The following SNTG1 variants were observed in gnomAD, a reference collection of about 807,000 sequenced individuals.
SNTG1 encodes gamma-1-syntrophin.
SNTG1 carries 39 observed loss-of-function variants against 74.7 expected under a neutral mutation model. That is an observed-to-expected ratio of 0.52 (90% CI 0.40 to 0.68). The LOEUF is 0.68. SNTG1 is among the 30% of genes least tolerant of loss of function. The probability of loss-of-function intolerance (pLI) is 0.00; values close to 1 mark genes in which losing one functional copy is unlikely to be tolerated. For missense variants in SNTG1, 685 were observed against 609.5 expected (o/e 1.12, Z -1.30); for synonymous variants, 254 against 217.1 (o/e 1.17, Z -1.49).
intron 2 of SNTG1, among the ~76,000 whole-genome samples, chr8:50,336,080 T>C (rs779958410): frequency 1.5e-4 from 23 of 152,166 alleles, no homozygotes; most frequent in Admixed American, 3.3e-4. Context: ...TTAAGTATTA[T>C]GTGTTGGGTA....
rs542185564 is a variant in SNTG1, at chr8:50,129,342, C to T, written c.-102-43219C>T. ...GGCTTCATAGCATCCAGAAGGAAAC[C>T]TTAGTGTCTACTGTCCAGGTGGAAT... is the stretch of plus-strand genomic sequence containing the variant. On this transcript the variant is annotated intron_variant, in intron 1 of 18. Transcript: ENST00000642720. Among the ~76,000 whole-genome samples, 526 of 152,184 alleles carry T rather than the reference C, an allele frequency of 3.5e-3. 1 individual carries two copies. Among genetic ancestry groups the T allele is most frequent in the Non-Finnish European group, 5.8e-3 (391 of 67,998 alleles).
At chr8:50,517,101 C>T (rs1204666341) in intron 9 of SNTG1, among the ~76,000 whole-genome samples, 4 of 152,134 alleles carry the variant, frequency 2.6e-5, no homozygotes, top group African/African-American at 4.8e-5. Flanking sequence ...GATGTCTCCG[C>T]AGAAACTCAA....
intron 2 of SNTG1, among the ~76,000 whole-genome samples, chr8:50,377,191 A>G (rs888664419): frequency 6.6e-6 from 1 of 152,124 alleles, no homozygotes; most frequent in African/African-American, 2.4e-5. Flanking sequence ...AATTTTTGAA[A>G]TGGTAAAATC....
At chr8:50,590,640 A>C (rs1409681619) in intron 12 of SNTG1, among the ~76,000 whole-genome samples, 3 of 152,270 alleles carry the variant, frequency 2.0e-5, no homozygotes, top group Admixed American at 2.0e-4. Context: ...GAGTTAAAAA[A>C]ATTTTAAAGG....
chr8:50,436,307 C>G (rs1403795570), intron 4 of SNTG1, among the ~76,000 whole-genome samples: 1 of 152,188 alleles, frequency 6.6e-6, no homozygotes, highest in East Asian at 1.9e-4. Context: ...AAGCAGTTTA[C>G]CTATCTATTT....
At chr8:50,496,177 T>C (rs1490830428) in intron 8 of SNTG1, among the ~76,000 whole-genome samples, 3 of 152,198 alleles carry the variant, frequency 2.0e-5, no homozygotes, top group Non-Finnish European at 4.4e-5. Flanking sequence ...TAATTTACTA[T>C]GTCAAGTGGG....
intron 13 of SNTG1, among the ~76,000 whole-genome samples, chr8:50,635,641 C>T (rs2086768): frequency 0.23 from 34,625 of 152,078 alleles, 4,616 homozygotes; most frequent in African/African-American, 0.36. Flanking sequence ...ACTGACGAGT[C>T]CACTCAGCTT....
At chr8:50,564,496 G>T (rs1415989512) in intron 12 of SNTG1, among the ~76,000 whole-genome samples, 1 of 151,782 alleles carries the variant, frequency 6.6e-6, no homozygotes, top group Non-Finnish European at 1.5e-5. Flanking sequence ...CTCATGTATG[G>T]GCCAGAAAGC....
chr8:50,715,666 A>C (rs2095473327), intron 17 of SNTG1, among the ~76,000 whole-genome samples: 1 of 152,168 alleles, frequency 6.6e-6, no homozygotes, highest in South Asian at 2.1e-4. Flanking sequence ...AATATACATT[A>C]AAAGCATTGT....
chr8:50,450,567 G>A lies in SNTG1; in HGVS notation c.289G>A (p.Gly97Arg), dbSNP rs1330414533. ...ISKEQRAELS[G>R]LLFIGDAILQ... ...TTTTTCATTCACAGCGGAACTTTCA[G>A]GACTACTTTTTATTGGAGATGCAAT... The change falls in exon 7 of 19, where the codon GGA (glycine) becomes AGA (arginine). Residue 97 changes from glycine (G) to arginine (R), a missense_variant. By Grantham distance (125) the Gly-to-Arg change is moderately radical. Coordinates refer to ENST00000642720, the MANE Select transcript of SNTG1 (RefSeq NM_018967.5). 2 of 1,613,216 alleles carry A rather than the reference G, an allele frequency of 1.2e-6. No homozygotes were observed. The highest frequency in any genetic ancestry group is 2.7e-5 in the African/African-American group (2 of 74,882).
chr8:50,723,928 T>TA lies in SNTG1; in HGVS notation c.1284+14955dup, dbSNP rs1223176060. 2.6e-5 allele frequency among the ~76,000 whole-genome samples: 4 copies of TA among 152,060 alleles called. 1 individual carries two copies. The East Asian group carries it at 5.8e-4, about 22-fold the overall frequency. On this transcript the variant is annotated intron_variant, in intron 17 of 18. Transcript: ENST00000642720. ...GGAATAGCTATGAAATGAGTAGGAGTAAAAAGGTTTCAAAGAGAGGAAATG... is the reference window on the plus strand; with the variant it reads ...GGAATAGCTATGAAATGAGTAGGAGTAAAAAAGGTTTCAAAGAGAGGAAATG...
At chr8:50,772,874 G>A (rs185045635) in intron 18 of SNTG1, among the ~76,000 whole-genome samples, 2 of 152,092 alleles carry the variant, frequency 1.3e-5, no homozygotes, top group Non-Finnish European at 2.9e-5. Flanking sequence ...AAAGAGTCTG[G>A]CTTCCTCAGT....
intron 2 of SNTG1, among the ~76,000 whole-genome samples, chr8:50,311,510 A>C (rs541068546): frequency 1.4e-4 from 22 of 152,348 alleles, no homozygotes; most frequent in African/African-American, 5.0e-4. Context: ...TTGTGTGCCT[A>C]GGGTTACGAA....
chr8:50,660,431 A>AAGAAAGAAAGAAAGAAAGAAAG (rs1563708706), intron 15 of SNTG1, among the ~76,000 whole-genome samples: 1 of 45,278 alleles, frequency 2.2e-5, no homozygotes, highest in Admixed American at 2.0e-4. Flanking sequence ...AGAAAGAAGA[A>AAGAAAGAAAGAAAGAAAGAAAG]AGAAAGAAAG....
chr8:50,346,565 G>A (rs1464673836), intron 2 of SNTG1, among the ~76,000 whole-genome samples: 1 of 152,174 alleles, frequency 6.6e-6, no homozygotes, highest in Non-Finnish European at 1.5e-5. Flanking sequence ...TAAATCAAAA[G>A]CTAGAAATAA....
chr8:50,009,921 A>G, intron 1 of SNTG1, among the ~76,000 whole-genome samples: 1 of 152,160 alleles, frequency 6.6e-6, no homozygotes, highest in Non-Finnish European at 1.5e-5. Flanking sequence ...CCTTGAAACC[A>G]GGAGGTGGAG....
In SNTG1 at chr8:50,376,433, AT is replaced by A. The variant is rs201545180; in HGVS notation, c.-27-17778del. 8.9e-4 allele frequency among the ~76,000 whole-genome samples: 136 copies of A among 152,196 alleles called. 1 individual carries two copies. The East Asian group carries it at 0.021, about 24-fold the overall frequency. On this transcript the variant is annotated intron_variant, in intron 2 of 18. Coordinates refer to ENST00000642720, the MANE Select transcript of SNTG1 (RefSeq NM_018967.5). ...AATGATAATAATTTTGTGAAAAAAAATATTACATCTGCCTATTACCTCATCC... is the reference window on the plus strand; with the variant it reads ...AATGATAATAATTTTGTGAAAAAAAAATTACATCTGCCTATTACCTCATCC...
intron 1 of SNTG1, among the ~76,000 whole-genome samples, chr8:49,949,943 A>G (rs140410868): frequency 2.0e-4 from 30 of 152,322 alleles, no homozygotes; most frequent in Non-Finnish European, 3.4e-4. Flanking sequence ...CCTGGGCAAC[A>G]TGGTGAAACC....
chr8:50,324,390 C>T (rs576324553), intron 2 of SNTG1, among the ~76,000 whole-genome samples: 4 of 152,290 alleles, frequency 2.6e-5, no homozygotes, highest in African/African-American at 7.2e-5. Flanking sequence ...CTTCGGCCCT[C>T]CTCAATACTC....
Sources: allele counts gnomAD v4.1 joint callset (sites outside exome capture counted in the v4.1 genomes callset), GRCh38; gene constraint gnomAD v4.1.1; transcripts MANE v1.5; gene names NCBI Gene and HGNC (gene_info 2026-07-23, HGNC 2026-07-21).